PLD5: variants seen among roughly 807,000 people sequenced by gnomAD.
PLD5 encodes the protein inactive phospholipase D5.
Under a neutral mutation model 61.1 loss-of-function variants are expected in PLD5, and 36 were observed. The ratio of observed to expected loss-of-function variants is 0.59; its 90% CI spans 0.45 to 0.78. The LOEUF (loss-of-function observed/expected upper bound fraction) is 0.78. PLD5 is among the 30% of genes least tolerant of loss of function. PLD5 has a pLI of 0.00. For synonymous variants in PLD5, 243 were observed against 242.8 expected, an observed-to-expected ratio of 1.00 and a Z score of -0.01; for missense variants, 515 against 644.4, an observed-to-expected ratio of 0.80 and a Z score of 2.17.
chr1:242,234,279 C>T (rs1574575898), intron 4 of PLD5, among the ~76,000 whole-genome samples: 4 of 152,038 alleles, frequency 2.6e-5, no homozygotes, highest in African/African-American at 7.2e-5. Context: ...TCCAGCCAAC[C>T]GTGCATTGAA....
At chr1:242,123,699 C>T (rs911389141) in intron 6 of PLD5, among the ~76,000 whole-genome samples, 1 of 152,162 alleles carries the variant, frequency 6.6e-6, no homozygotes, top group Admixed American at 6.5e-5. Context: ...TTTTTCTTAT[C>T]AACATGATAA....
intron 5 of PLD5, among the ~76,000 whole-genome samples, chr1:242,171,635 T>G (rs189188440): frequency 6.6e-6 from 1 of 151,876 alleles, no homozygotes; most frequent in East Asian, 1.9e-4. Context: ...GTGTGCTGTA[T>G]TCAGGAGACC....
chr1:242,105,830 G>A lies in PLD5; in HGVS notation c.1239+1841C>T, dbSNP rs1661012404. ...AAACTCTATCATTAGAGAGAGAGAA[G>A]TCTATGAACTAGAAAGCATAATTCA... On this transcript the variant is annotated intron_variant, in intron 8 of 9. Transcript: ENST00000536534. Among the ~76,000 whole-genome samples the A allele has an allele frequency of 2.1e-5, 3 of 146,302 alleles. No individual in the cohort carries two copies. In the South Asian group the frequency reaches 6.7e-4, roughly 33 times the overall value.
intron 1 of PLD5, among the ~76,000 whole-genome samples, chr1:242,383,039 A>T (rs1433559247): frequency 2.0e-5 from 3 of 152,180 alleles, no homozygotes; most frequent in Admixed American, 6.5e-5. Context: ...CAGCTGTCTA[A>T]CAAATGTAGA....
At chr1:242,300,423 TG>T (rs1406921960) in intron 2 of PLD5, among the ~76,000 whole-genome samples, 1 of 150,204 alleles carries the variant, frequency 6.7e-6, no homozygotes, top group African/African-American at 2.5e-5. Flanking sequence ...CAGCCTGGGG[TG>T]GGGTGGCGGG....
chr1:242,267,815 A>C (rs1371591803), intron 3 of PLD5, among the ~76,000 whole-genome samples: 1 of 150,618 alleles, frequency 6.6e-6, no homozygotes, highest in Non-Finnish European at 1.5e-5. Context: ...TGGGAGTCTA[A>C]GGATGCAGTG....
chr1:242,196,395 C>T (rs1320407989), intron 5 of PLD5, among the ~76,000 whole-genome samples: 2 of 152,094 alleles, frequency 1.3e-5, no homozygotes, highest in African/African-American at 4.8e-5. Context: ...GGTGCAGGCT[C>T]GGATCGGCAT....
At chr1:242,500,183 T>C (rs1216139351) in intron 1 of PLD5, among the ~76,000 whole-genome samples, 1 of 152,176 alleles carries the variant, frequency 6.6e-6, no homozygotes, top group African/African-American at 2.4e-5. Flanking sequence ...TTTCAAGGGA[T>C]GGGGATCAAG....
intron 4 of PLD5, among the ~76,000 whole-genome samples, chr1:242,258,909 G>C (rs1673230989): frequency 6.6e-6 from 1 of 151,512 alleles, no homozygotes; most frequent in Non-Finnish European, 1.5e-5. Flanking sequence ...GGAATTTCTT[G>C]ATCACTTGAT....
chr1:242,294,013 G>A (rs751985134), intron 2 of PLD5, among the ~76,000 whole-genome samples: 12 of 152,180 alleles, frequency 7.9e-5, no homozygotes, highest in Non-Finnish European at 1.8e-4. Context: ...ACAGCCCTGA[G>A]TATACTCATA....
chr1:242,275,266 A>C (rs776842647), intron 3 of PLD5, among the ~76,000 whole-genome samples: 1 of 152,034 alleles, frequency 6.6e-6, no homozygotes, highest in Non-Finnish European at 1.5e-5. Context: ...ATATATGAAT[A>C]TATATTCATA....
intron 5 of PLD5, among the ~76,000 whole-genome samples, chr1:242,186,465 G>T (rs568190150): frequency 4.3e-4 from 65 of 152,254 alleles, no homozygotes; most frequent in African/African-American, 1.5e-3. Context: ...TTATAGGCAT[G>T]AGCCACCATA....
chr1:242,165,982 G>C (rs773938865), intron 5 of PLD5, among the ~76,000 whole-genome samples: 1 of 152,180 alleles, frequency 6.6e-6, no homozygotes, highest in East Asian at 1.9e-4. Context: ...GGGACGAAGC[G>C]CTGCCCCGCA....
intron 4 of PLD5, among the ~76,000 whole-genome samples, chr1:242,229,141 G>T (rs1466887422): frequency 1.3e-5 from 2 of 152,124 alleles, no homozygotes; most frequent in Non-Finnish European, 2.9e-5. Context: ...AAAGGCTGAA[G>T]ATTCAAAATA....
intron 1 of PLD5, among the ~76,000 whole-genome samples, chr1:242,387,604 T>A: frequency 6.6e-6 from 1 of 150,454 alleles, no homozygotes; most frequent in East Asian, 1.9e-4. Context: ...CTTTAAAGAA[T>A]ACATATATAT....
chr1:242,300,623 G>A (rs373893250), intron 2 of PLD5, among the ~76,000 whole-genome samples: 8 of 152,188 alleles, frequency 5.3e-5, no homozygotes, highest in Admixed American at 2.0e-4. Flanking sequence ...AGGGCTATTG[G>A]ACACGGTGTG....
intron 1 of PLD5, chr1:242,377,306 G>T (rs1242172300): frequency 3.1e-6 from 5 of 1,607,388 alleles, no homozygotes; most frequent in African/African-American, 1.3e-5. Context: ...CGGCACACTT[G>T]TGAACCTTAA....
intron 2 of PLD5, among the ~76,000 whole-genome samples, chr1:242,333,121 G>T (rs1241028925): frequency 6.6e-6 from 1 of 152,200 alleles, no homozygotes; most frequent in South Asian, 2.1e-4. Context: ...AGCTGAGCGT[G>T]GAAGTTGCTA....
intron 6 of PLD5, 183 bp downstream of exon 6, chr1:242,124,285 G>A: frequency 1.8e-6 from 1 of 564,230 alleles, no homozygotes; most frequent in Non-Finnish European, 3.1e-6. Context: ...TGATGATCAA[G>A]ATTTATTATA....
Sources: gnomAD v4.1 joint callset for allele counts (sites outside exome capture counted in the v4.1 genomes callset) on GRCh38, gnomAD v4.1.1 for gene constraint, MANE v1.5 for transcripts, NCBI Gene and HGNC (gene_info 2026-07-23, HGNC 2026-07-21) for gene names.